Variants in MYO18A observed in about 807,000 individuals in gnomAD.
MYO18A encodes unconventional myosin-XVIIIa.
A neutral mutation model predicts 235.8 loss-of-function variants in MYO18A; 78 were observed. That is an observed-to-expected ratio of 0.33 (90% CI 0.28 to 0.40). MYO18A has a LOEUF of 0.40. Among genes scored for constraint, MYO18A ranks in the 10% least tolerant of loss-of-function variants. The pLI, the probability that MYO18A is intolerant of heterozygous loss-of-function variation, is 1.00. For synonymous variants in MYO18A, 977 were observed against 1,077.8 expected, an observed-to-expected ratio of 0.91 and a Z score of 1.83; for missense variants, 2,215 against 2,699.3, an observed-to-expected ratio of 0.82 and a Z score of 3.98.
chr17:29,124,622 A>G, intron 2 of MYO18A: 2 of 1,268,756 alleles, frequency 1.6e-6, no homozygotes. Context: ...GAGGGAGCGG[A>G]GGGCTCCTGA....
chr17:29,169,604 C>T (rs1372551052), intron 1 of MYO18A, among the ~76,000 whole-genome samples: 1 of 152,172 alleles, frequency 6.6e-6, no homozygotes, highest in Non-Finnish European at 1.5e-5. Context: ...TCAGCTGTTA[C>T]TGCCCACCTT....
rs2067232037 is a variant in MYO18A, at chr17:29,122,765, GC to G, written c.1000-513del. Among the ~76,000 whole-genome samples, 10 of 152,322 alleles carry G rather than the reference GC, an allele frequency of 6.6e-5. No individual in the cohort carries two copies. The South Asian group carries it at 2.1e-3, about 32-fold the overall frequency. On this transcript the variant is annotated intron_variant, in intron 2 of 41. Transcript: ENST00000527372. ...TGTCCTCAGATCTCAGCGGGGAGTC[GC>G]CTGGACTTCGCAGTACAGAATGATA...
intron 11 of MYO18A, among the ~76,000 whole-genome samples, chr17:29,116,059 C>G (rs564303410): frequency 2.0e-5 from 3 of 152,348 alleles, no homozygotes; most frequent in East Asian, 1.9e-4. Context: ...GAGGAGGTAA[C>G]TCCACATGCT....
At position 29,118,698 on chromosome 17, in the gene MYO18A, G is replaced by A. The variant is rs1295562357; in HGVS notation, c.1830-258C>T. Among the ~76,000 whole-genome samples the A allele has an allele frequency of 1.5e-4, 23 of 152,256 alleles. 1 individual carries two copies. The highest frequency in any genetic ancestry group is 1.5e-5 in the Non-Finnish European group (1 of 68,044). ...GCAACCTGGCCCCCGGAAGGGAGCA[G>A]GGAACCTGCCCGAAGGGTGAGTCCC... On this transcript the variant is annotated intron_variant, in intron 8 of 41. Transcript: ENST00000527372. The surrounding 1 kb of genome is among the most constrained non-coding windows in gnomAD (Gnocchi z 4.2).
Position 29,074,836 on chromosome 17 carries a change from C to T in MYO18A, c.6099G>A (p.Pro2033=), listed in dbSNP as rs532569865. 6.2e-6 allele frequency: 10 copies of T among 1,613,896 alleles called. No homozygotes were observed. The highest frequency in any genetic ancestry group is 1.6e-4 in the Middle Eastern group (1 of 6,062). The part of the protein sequence containing the change: ...EHDPLDNTSR[P]RYSHSYLSDS... ...CACTCAGATAACTGTGGGAGTATCG[C>T]GGTCTGGAGGTGTTGTCGAGAGGGT... is the stretch of plus-strand genomic sequence containing the variant. Residue 2033 remains proline (P), a synonymous_variant, in exon 42 of 42, where the codon CCG becomes CCA. Coordinates refer to ENST00000527372, the MANE Select transcript of MYO18A (RefSeq NM_078471.4). This position sits in a 1 kb window ranked among gnomAD's most constrained non-coding sequence, Gnocchi z 4.4.
intron 19 of MYO18A, among the ~76,000 whole-genome samples, chr17:29,108,632 C>A (rs927708990): frequency 6.6e-6 from 1 of 152,174 alleles, no homozygotes; most frequent in Non-Finnish European, 1.5e-5. Context: ...CTAGCTGGCT[C>A]TGGGAAACCC....
chr17:29,117,805 C>A lies in MYO18A; in HGVS notation c.2038+240G>T, dbSNP rs2067108865. ...CTCAGCCTCTGAACCCCCAGCCCTC[C>A]ATGCTTCCTCATGGTGCCCCCCAGC... On this transcript the variant is annotated intron_variant, in intron 10 of 41. Coordinates refer to ENST00000527372, the MANE Select transcript of MYO18A (RefSeq NM_078471.4). The surrounding 1 kb of genome is among the most constrained non-coding windows in gnomAD (Gnocchi z 4.6). Among the ~76,000 whole-genome samples the A allele has an allele frequency of 6.6e-6, 1 of 152,232 alleles. No individual in the cohort carries two copies. The highest frequency in any genetic ancestry group is 2.4e-5 in the African/African-American group (1 of 41,452).
intron 1 of MYO18A, among the ~76,000 whole-genome samples, chr17:29,179,145 G>A (rs1416492783): frequency 6.6e-6 from 1 of 152,060 alleles, no homozygotes; most frequent in East Asian, 1.9e-4. Context: ...CATTCCCCCA[G>A]CCCTCCCCAC....
intron 20 of MYO18A, among the ~76,000 whole-genome samples, chr17:29,104,400 G>C (rs968888080): frequency 6.6e-6 from 1 of 152,186 alleles, no homozygotes; most frequent in African/African-American, 2.4e-5. Flanking sequence ...GCTATACTGA[G>C]ATTTCCAATT....
At chr17:29,098,009 TAGGGGTGAAGATGCC>T in intron 25 of MYO18A, 81 bp downstream of exon 25, 3 of 1,578,584 alleles carry the variant, frequency 1.9e-6, no homozygotes. Context: ...GATGCTGGGC[TAGGGGTGAAGATGCC>T]AACTGTCTTT....
intron 36 of MYO18A, 42 bp downstream of exon 36, chr17:29,090,489 AC>A: frequency 6.6e-7 from 1 of 1,525,912 alleles, no homozygotes; most frequent in Non-Finnish European, 8.9e-7. Flanking sequence ...ACACCTAGTG[AC>A]CCTGGCACTC....
chr17:29,170,884 AG>A (rs2068388117), intron 1 of MYO18A, among the ~76,000 whole-genome samples: 1 of 152,244 alleles, frequency 6.6e-6, no homozygotes. Context: ...CTACTCAGCA[AG>A]AAAAAAGAAA....
chr17:29,077,618 C>G (rs1195292439), intron 41 of MYO18A: 1 of 152,372 alleles, frequency 6.6e-6, no homozygotes, highest in African/African-American at 2.4e-5. Context: ...TTGATGGCCA[C>G]TCTACCAACA....
chr17:29,116,610 A>AACACACACACACACACAC (rs1210552759), intron 10 of MYO18A, among the ~76,000 whole-genome samples, 155 bp from the exon 11 acceptor site: 14 of 58,110 alleles, frequency 2.4e-4, no homozygotes, highest in Admixed American at 5.6e-4. Context: ...ACTTGGGACA[A>AACACACACACACACACAC]ACGCACACAC....
At chr17:29,172,291 C>T (rs558861253) in intron 1 of MYO18A, among the ~76,000 whole-genome samples, 3 of 152,154 alleles carry the variant, frequency 2.0e-5, no homozygotes, top group Non-Finnish European at 4.4e-5. Flanking sequence ...CTGGTCAACA[C>T]GGTGAAACCT....
intron 31 of MYO18A, 127 bp from the exon 32 acceptor site, chr17:29,093,554 G>A: frequency 1.4e-6 from 1 of 715,192 alleles, no homozygotes; most frequent in Non-Finnish European, 2.4e-6. Context: ...GATGTTGGTG[G>A]AGGGGTCAGA....
chr17:29,131,639 A>G (rs1475616017), intron 2 of MYO18A, among the ~76,000 whole-genome samples: 1 of 152,238 alleles, frequency 6.6e-6, no homozygotes, highest in East Asian at 1.9e-4. Flanking sequence ...GACTTCAAGA[A>G]TGAAGAGTCT....
At position 29,087,058 on chromosome 17, in the gene MYO18A, C is replaced by T; in HGVS notation, c.5590G>A (p.Ala1864Thr). ...KLTEERDQRIAAENREKEQNK... is the reference protein window; with the variant it reads ...KLTEERDQRITAENREKEQNK... Reference sequence around the variant, plus strand: ...TGTTCCTTCTCCCGGTTCTCGGCTGCAATGCGCTGATCCCGCTCCTCAGTC... The same window carrying T: ...TGTTCCTTCTCCCGGTTCTCGGCTGTAATGCGCTGATCCCGCTCCTCAGTC... The change falls in exon 38 of 42, where the codon GCA (alanine) becomes ACA (threonine). Residue 1864 changes from alanine to threonine, a missense_variant. Ala to Thr is a moderately conservative substitution (Grantham distance 58, BLOSUM62 0). Coordinates refer to ENST00000527372, the MANE Select transcript of MYO18A (RefSeq NM_078471.4). 1.2e-6 allele frequency: 2 copies of T among 1,614,034 alleles called. No individual in the cohort carries two copies. The highest frequency in any genetic ancestry group is 1.7e-6 in the Non-Finnish European group (2 of 1,179,898).
chr17:29,086,642 G>C, intron 38 of MYO18A, 65 bp from the exon 39 acceptor site: 1 of 1,569,836 alleles, frequency 6.4e-7, no homozygotes, highest in Non-Finnish European at 8.6e-7. Context: ...GCCAGAAGAA[G>C]CCTGCTTCAA....
Sources: gnomAD v4.1 joint callset for allele counts (sites outside exome capture counted in the v4.1 genomes callset) on GRCh38, gnomAD v4.1.1 for gene constraint, Gnocchi (gnomAD v3.1) non-coding constraint, MANE v1.5 for transcripts, NCBI Gene and HGNC (gene_info 2026-07-23, HGNC 2026-07-21) for gene names.